ACTN2: variants seen among roughly 807,000 people sequenced by gnomAD.
The protein encoded by ACTN2 is actinin alpha 2.
Under a neutral mutation model 113.8 loss-of-function variants are expected in ACTN2, and 39 were observed. That is an observed-to-expected ratio of 0.34 (90% CI 0.27 to 0.45). The LOEUF is 0.45. Among genes scored for constraint, ACTN2 ranks in the 20% least tolerant of loss-of-function variants. ACTN2 has a pLI of 1.00. For missense variants in ACTN2, 992 were observed against 1,177.9 expected, an observed-to-expected ratio of 0.84 and a Z score of 2.31; for synonymous variants, 429 against 444.1, an observed-to-expected ratio of 0.97 and a Z score of 0.43.
rs78581647 is a variant in ACTN2, at chr1:236,749,816, A to G, written c.1656+552A>G. 6.2e-3 allele frequency among the ~76,000 whole-genome samples: 950 copies of G among 152,276 alleles called. 4 individuals are homozygous for G. Among genetic ancestry groups the G allele is most frequent in the Middle Eastern group, 0.034 (10 of 294 alleles). On this transcript the variant is annotated intron_variant, in intron 14 of 20. Coordinates refer to ENST00000366578, the MANE Select transcript of ACTN2 (RefSeq NM_001103.4). The stretch of plus-strand genomic sequence containing the variant: ...ACCCTGTCTCAACAACAACAACAAC[A>G]ACAACGACAACTACAACTACAACAA...
In ACTN2 at chr1:236,751,610, C is replaced by G; in HGVS notation, c.1797C>G (p.Tyr599Ter). Reference sequence around the variant, plus strand: ...TCAGAATCAGCTCAAGCAACCCGTACAGCACTGTCACCATGGATGAGCTCC... The same window carrying G: ...TCAGAATCAGCTCAAGCAACCCGTAGAGCACTGTCACCATGGATGAGCTCC... ...YNIRISSSNP[Y>*]STVTMDELRT... is the part of the protein sequence containing the mutation. The change falls in exon 15 of 21, where the codon TAC (tyrosine) becomes TAG (stop). Residue 599 changes from tyrosine (Y) to a stop codon, truncating the protein, a stop_gained. Transcript: ENST00000366578. LOFTEE classifies it high-confidence loss of function. 2.5e-6 allele frequency: 4 copies of G among 1,614,026 alleles called. No homozygotes were observed. Among genetic ancestry groups the G allele is most frequent in the Non-Finnish European group, 3.4e-6 (4 of 1,179,922 alleles).
intron 12 of ACTN2, among the ~76,000 whole-genome samples, chr1:236,746,382 C>T (rs1232964491): frequency 6.6e-6 from 1 of 151,926 alleles, no homozygotes; most frequent in Non-Finnish European, 1.5e-5. Context: ...AACTTGTTAT[C>T]CCTGGAGGTA....
chr1:236,737,317 AT>A, intron 9 of ACTN2, 103 bp downstream of exon 9: 2 of 288,942 alleles, frequency 6.9e-6, no homozygotes, highest in Non-Finnish European at 1.4e-5. Context: ...ATATATATAT[AT>A]TTTGCATTTT....
chr1:236,750,408 G>A (rs1425225253), intron 14 of ACTN2, among the ~76,000 whole-genome samples: 5 of 152,118 alleles, frequency 3.3e-5, no homozygotes, highest in Non-Finnish European at 7.4e-5. Flanking sequence ...TTTCCTGCGT[G>A]CACTCTTAAG....
chr1:236,759,609 A>G (rs1558251299), intron 18 of ACTN2, 115 bp from the exon 19 acceptor site: 13 of 848,216 alleles, frequency 1.5e-5, no homozygotes, highest in Non-Finnish European at 2.4e-5. Context: ...GGTGACATTT[A>G]CGACCTTGGC....
At chr1:236,686,994 CGT>C (rs748896824) in intron 1 of ACTN2, among the ~76,000 whole-genome samples, 195 bp downstream of exon 1, 97 of 152,140 alleles carry the variant, frequency 6.4e-4, no homozygotes, top group Non-Finnish European at 1.2e-3. Context: ...CACTGGGCGT[CGT>C]GTGTGTGCGC....
intron 1 of ACTN2, among the ~76,000 whole-genome samples, chr1:236,715,910 C>T (rs1473987306): frequency 6.6e-6 from 1 of 152,054 alleles, no homozygotes; most frequent in Non-Finnish European, 1.5e-5. Context: ...GAGCTGAGAT[C>T]ATGCCACTGC....
Position 236,735,619 on chromosome 1 carries a change from T to C in ACTN2, c.698-16T>C, listed in dbSNP as rs1253808628. 4 of 1,611,718 alleles carry C rather than the reference T, an allele frequency of 2.5e-6. No homozygotes were observed. The highest frequency in any genetic ancestry group is 1.1e-5 in the South Asian group (1 of 91,024). ...GTGTGTGTGCGCGCGTCCTGTGTTA[T>C]TTTCTCCCCCTTCAGACATCGTGAA... On this transcript the variant is annotated splice_polypyrimidine_tract_variant and intron_variant, in intron 7 of 20. Coordinates refer to ENST00000366578, the MANE Select transcript of ACTN2 (RefSeq NM_001103.4).
chr1:236,709,485 C>T (rs936749282), intron 1 of ACTN2, among the ~76,000 whole-genome samples: 5 of 150,878 alleles, frequency 3.3e-5, no homozygotes, highest in African/African-American at 9.8e-5. Flanking sequence ...CAGGCTGGAC[C>T]GAGCTCTGCC....
At chr1:236,748,557 C>T (rs758086455) in intron 13 of ACTN2, among the ~76,000 whole-genome samples, 7 of 152,120 alleles carry the variant, frequency 4.6e-5, no homozygotes, top group African/African-American at 7.2e-5. Context: ...GGGAAACAAG[C>T]GCAGGATCAT....
Position 236,725,944 on chromosome 1 carries a change from A to G in ACTN2, c.460A>G (p.Lys154Glu). ...QDISVEETSAKEGLLLWCQRK... is the reference protein window; with the variant it reads ...QDISVEETSAEEGLLLWCQRK... ...GGCTGTCATTACAGAAACATCTGCC[A>G]AAGAAGGTCTGCTGCTTTGGTGTCA... Residue 154 changes from lysine to glutamate, a missense_variant, in exon 5 of 21, where the codon AAA becomes GAA. Physicochemically the swap from Lys to Glu is moderately conservative, Grantham distance 56 (BLOSUM62 1). Transcript: ENST00000366578. The G allele has an allele frequency of 1.9e-6, 3 of 1,614,196 alleles. No individual in the cohort carries two copies. Among genetic ancestry groups the G allele is most frequent in the Non-Finnish European group, 2.5e-6 (3 of 1,180,014 alleles).
At chr1:236,690,349 T>C (rs75427933) in intron 1 of ACTN2, among the ~76,000 whole-genome samples, 7,735 of 152,278 alleles carry the variant, frequency 0.051, 275 homozygotes, top group Admixed American at 0.11. Context: ...ACACATACTC[T>C]TGCATAAATT....
At chr1:236,753,771 C>A in intron 15 of ACTN2, 176 bp from the exon 16 acceptor site, 1 of 786,438 alleles carries the variant, frequency 1.3e-6, no homozygotes, top group Non-Finnish European at 2.2e-6. Flanking sequence ...ATCCTGTAGT[C>A]CCTAGACTAG....
At chr1:236,692,740 C>T (rs547253602) in intron 1 of ACTN2, among the ~76,000 whole-genome samples, 19 of 152,254 alleles carry the variant, frequency 1.2e-4, no homozygotes, top group African/African-American at 4.6e-4. Flanking sequence ...CGGGGTTGCC[C>T]TAGGCCTTCA....
chr1:236,730,080 T>C (rs1307786327), intron 6 of ACTN2, among the ~76,000 whole-genome samples: 1 of 152,254 alleles, frequency 6.6e-6, no homozygotes, highest in Admixed American at 6.5e-5. Context: ...AAGTAGGTAC[T>C]ATTATTATCC....
At chr1:236,708,295 A>G (rs143118337) in intron 1 of ACTN2, among the ~76,000 whole-genome samples, 3 of 152,310 alleles carry the variant, frequency 2.0e-5, no homozygotes, top group African/African-American at 7.2e-5. Flanking sequence ...ACATCCTGAT[A>G]ATTGATTGTA....
At chr1:236,747,396 T>C (rs1369406785) in intron 12 of ACTN2, among the ~76,000 whole-genome samples, 3 of 152,196 alleles carry the variant, frequency 2.0e-5, no homozygotes, top group Non-Finnish European at 4.4e-5. Flanking sequence ...TTTTGCTACA[T>C]GTGGCCAAGT....
At chr1:236,751,331 T>C (rs1227352640) in intron 14 of ACTN2, 139 bp from the exon 15 acceptor site, 1 of 1,088,502 alleles carries the variant, frequency 9.2e-7, no homozygotes, top group East Asian at 2.6e-5. Flanking sequence ...GAGTTTTTTC[T>C]AAAGCATTCA....
chr1:236,718,064 C>G (rs1005905527), intron 2 of ACTN2, 92 bp downstream of exon 2: 21 of 1,003,490 alleles, frequency 2.1e-5, no homozygotes, highest in Non-Finnish European at 3.1e-5. Context: ...TCGCTTTGAA[C>G]TTGGCTGGGC....
Sources: gnomAD v4.1 joint callset for allele counts (sites outside exome capture counted in the v4.1 genomes callset) on GRCh38, gnomAD v4.1.1 for gene constraint, MANE v1.5 for transcripts, NCBI Gene and HGNC (gene_info 2026-07-23, HGNC 2026-07-21) for gene names.